The following SPATA6 variants were observed in gnomAD, a reference collection of about 807,000 sequenced individuals.
The protein encoded by SPATA6 is spermatogenesis associated 6.
Under a neutral mutation model 65.3 loss-of-function variants are expected in SPATA6, and 56 were observed. The observed-to-expected ratio is 0.86, with a 90% CI of 0.69 to 1.07. The LOEUF (loss-of-function observed/expected upper bound fraction) is 1.07, where lower values mean the gene tolerates loss of function less well. Among genes scored for constraint, SPATA6 ranks in the 50% least tolerant of loss-of-function variants. The probability of loss-of-function intolerance (pLI) is 0.00; values close to 1 mark genes in which losing one functional copy is unlikely to be tolerated. For synonymous variants in SPATA6, 199 were observed against 213.2 expected, an observed-to-expected ratio of 0.93 and a Z score of 0.58; for missense variants, 590 against 594.8, an observed-to-expected ratio of 0.99 and a Z score of 0.08.
chr1:48,422,057 A>G (rs905370548), intron 3 of SPATA6, among the ~76,000 whole-genome samples: 2 of 152,192 alleles, frequency 1.3e-5, no homozygotes, highest in Non-Finnish European at 2.9e-5. Flanking sequence ...TTATCAGTCC[A>G]ATACAGATTT....
chr1:48,393,871 A>T (rs1212646536), intron 8 of SPATA6, among the ~76,000 whole-genome samples: 1 of 152,036 alleles, frequency 6.6e-6, no homozygotes, highest in Non-Finnish European at 1.5e-5. Flanking sequence ...AAGGACAATA[A>T]TGTCATCATG....
chr1:48,302,673 C>T (rs1229934429), intron 12 of SPATA6, among the ~76,000 whole-genome samples: 4 of 152,166 alleles, frequency 2.6e-5, no homozygotes, highest in Non-Finnish European at 5.9e-5. Context: ...CAAGGCTTCA[C>T]ATTCAGCCAT....
chr1:48,405,595 C>T (rs1651628150), intron 5 of SPATA6, among the ~76,000 whole-genome samples: 1 of 152,148 alleles, frequency 6.6e-6, no homozygotes, highest in South Asian at 2.1e-4. Context: ...ACTCATAAAC[C>T]TCTCCAAAAG....
chr1:48,395,499 A>G (rs757235991), intron 7 of SPATA6, 145 bp from the exon 8 acceptor site: 54 of 437,818 alleles, frequency 1.2e-4, no homozygotes, highest in Middle Eastern at 3.9e-4. Flanking sequence ...GACATGTTCC[A>G]AAGAGTTTAT....
chr1:48,312,283 G>A (rs1360846519), intron 11 of SPATA6, among the ~76,000 whole-genome samples: 2 of 152,198 alleles, frequency 1.3e-5, no homozygotes, highest in Non-Finnish European at 2.9e-5. Context: ...GTGGGTCCCT[G>A]ACACCCGAGC....
intron 1 of SPATA6, among the ~76,000 whole-genome samples, chr1:48,455,841 T>C (rs1171630196): frequency 1.3e-5 from 2 of 152,192 alleles, no homozygotes; most frequent in Non-Finnish European, 2.9e-5. Context: ...AAGAAGGCAT[T>C]GTTTTTTTCA....
At chr1:48,326,058 C>A (rs768689072) in intron 11 of SPATA6, 2 of 161,172 alleles carry the variant, frequency 1.2e-5, no homozygotes, top group Admixed American at 6.4e-5. Flanking sequence ...CAGAAGGGGG[C>A]TTACCTGCCC....
At chr1:48,286,688 TCA>T in the SPATA6 span, among the ~76,000 whole-genome samples, 1 of 152,228 alleles carries the variant, frequency 6.6e-6, no homozygotes, top group East Asian at 1.9e-4. Context: ...TTTGTATTAG[TCA>T]CGTCTTATAT....
At chr1:48,466,227 C>A (rs960957571) in intron 1 of SPATA6, among the ~76,000 whole-genome samples, 2 of 151,988 alleles carry the variant, frequency 1.3e-5, no homozygotes, top group African/African-American at 4.8e-5. Flanking sequence ...AAGAGAGGAA[C>A]AAAAATTATA....
chr1:48,372,063 C>T lies in SPATA6; in HGVS notation c.910-12293G>A, dbSNP rs143675437. ...CACAGCCAAACCATATCATTCCACC[C>T]CTGGCACCTCCAAATATCATGTCCT... On this transcript the variant is annotated intron_variant, in intron 9 of 12. Coordinates refer to ENST00000371847, the MANE Select transcript of SPATA6 (RefSeq NM_019073.4). 4.6e-5 allele frequency among the ~76,000 whole-genome samples: 7 copies of T among 152,192 alleles called. No homozygotes were observed. The East Asian group carries it at 1.4e-3, about 29-fold the overall frequency.
chr1:48,278,369 C>T, the SPATA6 span, among the ~76,000 whole-genome samples: 11 of 152,006 alleles, frequency 7.2e-5, no homozygotes, highest in South Asian at 1.0e-3. Context: ...AGGCTTCAGA[C>T]GATCAAACTA....
chr1:48,355,023 T>G (rs991031751), intron 11 of SPATA6, among the ~76,000 whole-genome samples: 7 of 152,114 alleles, frequency 4.6e-5, no homozygotes, highest in African/African-American at 1.4e-4. Flanking sequence ...CCCCCAAGAC[T>G]AATCTTAGTG....
chr1:48,310,497 T>C (rs1344968953), intron 11 of SPATA6, among the ~76,000 whole-genome samples: 2 of 152,158 alleles, frequency 1.3e-5, no homozygotes, highest in Non-Finnish European at 2.9e-5. Context: ...GTTGAAGCAT[T>C]TGCTTGAGTT....
chr1:48,291,378 A>C (rs1247493087), downstream of SPATA6, among the ~76,000 whole-genome samples: 1 of 150,948 alleles, frequency 6.6e-6, no homozygotes, highest in Non-Finnish European at 1.5e-5. Flanking sequence ...CTGAGTTCAG[A>C]CTCTCCTCGG....
chr1:48,368,615 G>A (rs541636060), intron 9 of SPATA6, among the ~76,000 whole-genome samples: 15 of 152,122 alleles, frequency 9.9e-5, no homozygotes, highest in Admixed American at 2.0e-4. Context: ...CATTCTTCAC[G>A]TAGTTCTCGA....
chr1:48,410,922 CA>C (rs1364341781), intron 5 of SPATA6, among the ~76,000 whole-genome samples: 2 of 152,160 alleles, frequency 1.3e-5, no homozygotes, highest in African/African-American at 4.8e-5. Flanking sequence ...GGTATAGCAG[CA>C]TATGAAAGAT....
intron 11 of SPATA6, among the ~76,000 whole-genome samples, chr1:48,314,124 C>G (rs1442417277): frequency 6.6e-6 from 1 of 152,128 alleles, no homozygotes; most frequent in East Asian, 1.9e-4. Context: ...CAACATTAGA[C>G]AGATCAACGA....
intron 3 of SPATA6, among the ~76,000 whole-genome samples, chr1:48,417,943 A>G (rs1449778188): frequency 6.6e-6 from 1 of 152,174 alleles, no homozygotes; most frequent in East Asian, 1.9e-4. Context: ...CTCATCCAAT[A>G]GTTCTCTGAC....
At chr1:48,294,730 A>G (rs1276433083), downstream of SPATA6, among the ~76,000 whole-genome samples, 1 of 152,202 alleles carries the variant, frequency 6.6e-6, no homozygotes, top group Non-Finnish European at 1.5e-5. Flanking sequence ...TCAATCTTTC[A>G]ATATTCAGCT....
Sources: gnomAD v4.1 joint callset for allele counts (sites outside exome capture counted in the v4.1 genomes callset) on GRCh38, gnomAD v4.1.1 for gene constraint, MANE v1.5 for transcripts, NCBI Gene and HGNC (gene_info 2026-07-23, HGNC 2026-07-21) for gene names.